The following STIMATE variants were observed in gnomAD, a reference collection of about 807,000 sequenced individuals.
STIMATE encodes STIM activating enhancer.
Under a neutral mutation model 36.7 loss-of-function variants are expected in STIMATE, and 15 were observed. The ratio of observed to expected loss-of-function variants is 0.41; its 90% CI spans 0.27 to 0.63. The LOEUF (loss-of-function observed/expected upper bound fraction) is 0.63. Among genes scored for constraint, STIMATE ranks in the 20% least tolerant of loss-of-function variants. The pLI is 0.32. For synonymous variants in STIMATE, 163 were observed against 162.3 expected (o/e 1.00, Z -0.03); for missense variants, 305 against 397.3 (o/e 0.77, Z 1.98).
chr3:52,851,730 A>G (rs557977031), intron 3 of STIMATE, among the ~76,000 whole-genome samples: 56 of 152,364 alleles, frequency 3.7e-4, no homozygotes, highest in African/African-American at 1.3e-3. Context: ...CCTTACTTTC[A>G]TTCATTCACT....
chr3:52,872,005 G>A (rs989604608), intron 1 of STIMATE, among the ~76,000 whole-genome samples: 2 of 152,000 alleles, frequency 1.3e-5, no homozygotes, highest in Non-Finnish European at 2.9e-5. Context: ...GGCACCTTCC[G>A]TCTGGAACAC....
intron 1 of STIMATE, among the ~76,000 whole-genome samples, chr3:52,872,597 A>G (rs978687651): frequency 3.3e-5 from 5 of 152,300 alleles, no homozygotes; most frequent in South Asian, 2.1e-4. Flanking sequence ...CTCCCTCACC[A>G]TATCTGACCT....
chr3:52,844,718 A>C (rs1700863761), intron 5 of STIMATE, 111 bp downstream of exon 5: 1 of 1,113,324 alleles, frequency 9.0e-7, no homozygotes, highest in South Asian at 1.5e-5. Flanking sequence ...GGACACATTC[A>C]TAGAGTTAAA....
intron 1 of STIMATE, among the ~76,000 whole-genome samples, chr3:52,859,531 ATTT>A (rs563622429): frequency 3.7e-4 from 7 of 18,824 alleles, no homozygotes; most frequent in South Asian, 3.2e-3. Context: ...AAAAAAAAAA[ATTT>A]TTTTTTTTTT....
chr3:52,852,913 G>C (rs1473939801), intron 2 of STIMATE, among the ~76,000 whole-genome samples: 1 of 152,140 alleles, frequency 6.6e-6, no homozygotes, highest in Non-Finnish European at 1.5e-5. Flanking sequence ...AAAAGGTCAA[G>C]GATTGATATT....
At chr3:52,884,931 G>C (rs960250911) in intron 1 of STIMATE, among the ~76,000 whole-genome samples, 2 of 152,146 alleles carry the variant, frequency 1.3e-5, no homozygotes, top group African/African-American at 4.8e-5. Context: ...GGTAAATCTC[G>C]AGGGGTGAAA....
intron 4 of STIMATE, among the ~76,000 whole-genome samples, chr3:52,848,982 C>G (rs1239591877): frequency 6.6e-6 from 1 of 152,250 alleles, no homozygotes; most frequent in African/African-American, 2.4e-5. Flanking sequence ...CATGAATTGG[C>G]TCCCCTTTTA....
At chr3:52,850,493 CAG>C (rs1393942170) in intron 3 of STIMATE, among the ~76,000 whole-genome samples, 1 of 152,158 alleles carries the variant, frequency 6.6e-6, no homozygotes, top group Non-Finnish European at 1.5e-5. Flanking sequence ...CAATGGAAGA[CAG>C]AGTACCTGGA....
intron 1 of STIMATE, among the ~76,000 whole-genome samples, chr3:52,891,056 AG>A (rs1218214721): frequency 1.4e-5 from 2 of 148,136 alleles, no homozygotes; most frequent in Non-Finnish European, 3.0e-5. Context: ...TGTTATCAAC[AG>A]TCAAAAAACA....
At chr3:52,843,173 G>A in intron 6 of STIMATE, 1 of 958,520 alleles carries the variant, frequency 1.0e-6, no homozygotes, top group South Asian at 1.8e-5. Flanking sequence ...GAGTGTGCAA[G>A]GAACGTGCCC....
intron 1 of STIMATE, 123 bp downstream of exon 1, chr3:52,897,168 T>G: frequency 7.7e-7 from 1 of 1,306,848 alleles, no homozygotes. Context: ...CCAGCCTGGG[T>G]TTGCGGGGGA....
chr3:52,872,042 G>GCTT (rs1178124620), intron 1 of STIMATE, among the ~76,000 whole-genome samples: 1 of 152,090 alleles, frequency 6.6e-6, no homozygotes, highest in African/African-American at 2.4e-5. Context: ...CAAGTGGCTG[G>GCTT]CTTCTTTTTG....
intron 1 of STIMATE, among the ~76,000 whole-genome samples, chr3:52,882,028 G>A (rs942177894): frequency 1.3e-5 from 2 of 152,236 alleles, no homozygotes; most frequent in African/African-American, 2.4e-5. Context: ...ACTATTGGCT[G>A]CGTAGTTCTG....
At chr3:52,861,806 T>C (rs1701220211) in intron 1 of STIMATE, among the ~76,000 whole-genome samples, 1 of 152,292 alleles carries the variant, frequency 6.6e-6, no homozygotes, top group African/African-American at 2.4e-5. Context: ...ATCCCTCCTT[T>C]GGCCATCCAG....
chr3:52,897,539 T>TC lies in STIMATE; in HGVS notation c.-90dup, dbSNP rs1701888078. The stretch of plus-strand genomic sequence containing the variant: ...AGCGCCGCCAAACCCGCAGCCGGGA[T>TC]CCCAAGCCTGAGCCGGTACCTCCGC... On this transcript the variant is annotated 5_prime_UTR_variant, in exon 1 of 8. Coordinates refer to ENST00000355083, the MANE Select transcript of STIMATE (RefSeq NM_198563.5). The TC allele has an allele frequency of 8.5e-7, 1 of 1,176,536 alleles. No individual in the cohort carries two copies. Among genetic ancestry groups the TC allele is most frequent in the African/African-American group, 1.6e-5 (1 of 62,086 alleles). 72.9% of individuals were successfully genotyped at this position (1,176,536 alleles called of 1,614,324 possible).
intron 1 of STIMATE, among the ~76,000 whole-genome samples, chr3:52,868,299 GCCT>G (rs1335538754): frequency 3.0e-4 from 46 of 152,166 alleles, no homozygotes; most frequent in Admixed American, 2.9e-3. Context: ...ATATTTCCCA[GCCT>G]CCCCTGCTGC....
chr3:52,858,840 A>G (rs2106680474), intron 1 of STIMATE, among the ~76,000 whole-genome samples: 1 of 152,288 alleles, frequency 6.6e-6, no homozygotes. Context: ...ACATACGTTC[A>G]ATACAATACT....
rs75679815 is a variant in STIMATE at position 52,857,228 on chromosome 3, G to A, written c.161-1784C>T. Among the ~76,000 whole-genome samples the A allele has an allele frequency of 6.4e-3, 971 of 152,300 alleles. 12 individuals are homozygous for A. Among genetic ancestry groups the A allele is most frequent in the African/African-American group, 0.022 (916 of 41,558 alleles). On this transcript the variant is annotated intron_variant, in intron 1 of 7. Transcript: ENST00000355083. Reference sequence around the variant, plus strand: ...AAGTCTGTTTAGAGAGACATGTTGAGAGAGAGAGATCAACGAGCAGGTGAA... The same window carrying A: ...AAGTCTGTTTAGAGAGACATGTTGAAAGAGAGAGATCAACGAGCAGGTGAA...
intron 2 of STIMATE, among the ~76,000 whole-genome samples, chr3:52,853,841 G>A (rs1371667632): frequency 7.7e-6 from 1 of 129,390 alleles, no homozygotes; most frequent in Non-Finnish European, 1.7e-5. Context: ...AGGATAAAAT[G>A]GCTATTTTGT....
Sources: allele counts gnomAD v4.1 joint callset (sites outside exome capture counted in the v4.1 genomes callset), GRCh38; gene constraint gnomAD v4.1.1; transcripts MANE v1.5; gene names NCBI Gene and HGNC (gene_info 2026-07-23, HGNC 2026-07-21).